The following AGAP1 variants were observed in gnomAD, a reference collection of about 807,000 sequenced individuals.
The protein encoded by AGAP1 is arf-GAP with GTPase, ANK repeat and PH domain-containing protein 1.
A neutral mutation model predicts 105.3 loss-of-function variants in AGAP1; 29 were observed. The ratio of observed to expected loss-of-function variants is 0.28; its 90% CI spans 0.21 to 0.38. AGAP1 has a LOEUF of 0.38. Ranked by LOEUF, AGAP1 falls within the 10% of genes least tolerant of loss-of-function variation. The pLI, the probability that AGAP1 is intolerant of heterozygous loss-of-function variation, is 1.00. For missense variants in AGAP1, 998 were observed against 1,165.1 expected (o/e 0.86, Z 2.09); for synonymous variants, 509 against 485.9 (o/e 1.05, Z -0.63).
chr2:235,779,420 T>G lies in AGAP1; in HGVS notation c.674-18339T>G, dbSNP rs567640926. On this transcript the variant is annotated intron_variant, in intron 6 of 17. Coordinates refer to ENST00000304032, the MANE Select transcript of AGAP1 (RefSeq NM_001037131.3). ...GGGGATGAATATTGGTTACATTTCA[T>G]CCCGTAGGACCTTAGTCTGTCTGGT... Among the ~76,000 whole-genome samples, 3 of 152,354 alleles carry G rather than the reference T, an allele frequency of 2.0e-5. No homozygotes were observed. The East Asian group carries it at 5.8e-4, about 29-fold the overall frequency.
chr2:235,765,528 C>A (rs186835547), intron 6 of AGAP1, among the ~76,000 whole-genome samples: 18 of 152,274 alleles, frequency 1.2e-4, no homozygotes, highest in Admixed American at 3.9e-4. Flanking sequence ...GGCTCACTGC[C>A]GCGTGGTCAG....
At chr2:235,844,995 A>C (rs781335763) in intron 9 of AGAP1, among the ~76,000 whole-genome samples, 1 of 152,152 alleles carries the variant, frequency 6.6e-6, no homozygotes, top group Non-Finnish European at 1.5e-5. Flanking sequence ...AGCAGCAATT[A>C]TAGTTTGCTG....
At chr2:235,583,040 C>G (rs929060735) in intron 1 of AGAP1, among the ~76,000 whole-genome samples, 30 of 152,180 alleles carry the variant, frequency 2.0e-4, no homozygotes, top group African/African-American at 6.8e-4. Flanking sequence ...TTCAGACCAG[C>G]TGCATTTTCT....
chr2:235,975,369 T>TA (rs2054818037), intron 13 of AGAP1, among the ~76,000 whole-genome samples: 2 of 151,980 alleles, frequency 1.3e-5, no homozygotes, highest in Non-Finnish European at 2.9e-5. Context: ...AGGAAAGCAA[T>TA]ACGTGGGTGC....
intron 7 of AGAP1, among the ~76,000 whole-genome samples, chr2:235,798,120 C>T (rs538318235): frequency 4.6e-5 from 7 of 152,220 alleles, no homozygotes; most frequent in African/African-American, 7.2e-5. Context: ...CATGCTGGCC[C>T]GGGTGGTGAT....
chr2:235,928,098 C>T (rs918858500), intron 11 of AGAP1, among the ~76,000 whole-genome samples: 1 of 152,216 alleles, frequency 6.6e-6, no homozygotes, highest in Non-Finnish European at 1.5e-5. Context: ...GGAGGTGCCC[C>T]CCCAATCGCA....
At chr2:235,647,101 A>G (rs1387755366) in intron 1 of AGAP1, among the ~76,000 whole-genome samples, 1 of 146,334 alleles carries the variant, frequency 6.8e-6, no homozygotes, top group East Asian at 2.0e-4. Flanking sequence ...GCGCCACTGC[A>G]CCACCCGAGA....
intron 6 of AGAP1, among the ~76,000 whole-genome samples, chr2:235,784,705 T>C (rs1443205202): frequency 1.3e-5 from 2 of 151,874 alleles, no homozygotes; most frequent in South Asian, 2.1e-4. Flanking sequence ...ATGTTAATCA[T>C]ATAGAATTTA....
intron 5 of AGAP1, among the ~76,000 whole-genome samples, chr2:235,745,522 T>C (rs1952859968): frequency 6.6e-6 from 1 of 152,230 alleles, no homozygotes; most frequent in Non-Finnish European, 1.5e-5. Context: ...GTAGGATGTT[T>C]GTAAAAGTCA....
At chr2:235,527,424 G>A (rs1345750595) in intron 1 of AGAP1, among the ~76,000 whole-genome samples, 4 of 152,202 alleles carry the variant, frequency 2.6e-5, no homozygotes, top group Non-Finnish European at 5.9e-5. Context: ...AGGCTAGAGT[G>A]CAGTGGCACG....
At chr2:235,984,797 G>A (rs1191172225) in intron 13 of AGAP1, among the ~76,000 whole-genome samples, 2 of 151,928 alleles carry the variant, frequency 1.3e-5, no homozygotes, top group Non-Finnish European at 2.9e-5. Context: ...CCTTTTTATG[G>A]CTGCATAGTA....
At chr2:235,543,530 C>T (rs982636501) in intron 1 of AGAP1, among the ~76,000 whole-genome samples, 3 of 152,202 alleles carry the variant, frequency 2.0e-5, no homozygotes, top group African/African-American at 4.8e-5. Flanking sequence ...TGGGAAGAAC[C>T]GTGCTGGATT....
intron 6 of AGAP1, among the ~76,000 whole-genome samples, chr2:235,760,660 A>G (rs982573831): frequency 6.6e-6 from 1 of 152,178 alleles, no homozygotes; most frequent in Admixed American, 6.5e-5. Context: ...ATCATAGCTC[A>G]CTGCAGTTTC....
chr2:235,517,790 A>G lies in AGAP1; in HGVS notation c.163+22941A>G, dbSNP rs1396395132. Reference sequence around the variant, plus strand: ...CGTTTCTACTAAAAATACAAAAATTAGTCAGACATGGTGGCGTGTGCCTGT... The same window carrying G: ...CGTTTCTACTAAAAATACAAAAATTGGTCAGACATGGTGGCGTGTGCCTGT... On this transcript the variant is annotated intron_variant, in intron 1 of 17. Transcript: ENST00000304032. The surrounding 1 kb of genome is among the most constrained non-coding windows in gnomAD (Gnocchi z 4.1). 6.6e-6 allele frequency among the ~76,000 whole-genome samples: 1 copy of G among 152,054 alleles called. No homozygotes were observed. The highest frequency in any genetic ancestry group is 1.9e-4 in the East Asian group (1 of 5,168).
At position 236,114,352 on chromosome 2, in the gene AGAP1, A is replaced by G. The variant is rs2059719515; in HGVS notation, c.2115-5840A>G. On this transcript the variant is annotated intron_variant, in intron 16 of 17. Transcript: ENST00000304032. This position sits in a 1 kb window ranked among gnomAD's most constrained non-coding sequence, Gnocchi z 5.0. Reference sequence around the variant, plus strand: ...TAGGGCAAATGCCTCTAGACGGAATAGTCTCATCGAGAAGAAGCCATTGTC... The same window carrying G: ...TAGGGCAAATGCCTCTAGACGGAATGGTCTCATCGAGAAGAAGCCATTGTC... Among the ~76,000 whole-genome samples, 1 of 152,246 alleles carries G rather than the reference A, an allele frequency of 6.6e-6. No homozygotes were observed.
At chr2:235,966,090 G>T (rs111472061) in intron 12 of AGAP1, among the ~76,000 whole-genome samples, 11,574 of 144,430 alleles carry the variant, frequency 0.08, 202 homozygotes, top group South Asian at 0.17. Flanking sequence ...GGAGGAGAGG[G>T]GAGCCCGTTC....
intron 8 of AGAP1, among the ~76,000 whole-genome samples, chr2:235,805,757 A>G (rs1023259436): frequency 1.3e-5 from 2 of 152,230 alleles, no homozygotes; most frequent in African/African-American, 4.8e-5. Flanking sequence ...TTTTCCTTCT[A>G]GCCCAAAGGG....
At chr2:236,094,001 A>G (rs1310473172) in intron 16 of AGAP1, among the ~76,000 whole-genome samples, 2 of 152,220 alleles carry the variant, frequency 1.3e-5, no homozygotes, top group Non-Finnish European at 2.9e-5. Flanking sequence ...CCCCAGGTGT[A>G]CTAACAACAG....
chr2:235,676,160 G>A (rs552050798), intron 1 of AGAP1, among the ~76,000 whole-genome samples: 2 of 152,336 alleles, frequency 1.3e-5, no homozygotes, highest in South Asian at 2.1e-4. Context: ...CATACTGGAG[G>A]AGATGGAAAA....
Sources: gnomAD v4.1 joint callset for allele counts (sites outside exome capture counted in the v4.1 genomes callset) on GRCh38, gnomAD v4.1.1 for gene constraint, Gnocchi (gnomAD v3.1) non-coding constraint, MANE v1.5 for transcripts, NCBI Gene and HGNC (gene_info 2026-07-23, HGNC 2026-07-21) for gene names.